Variants in SASH1 observed in about 807,000 individuals in gnomAD.
SASH1 encodes the protein SAM and SH3 domain containing 1, also known as SAM and SH3 domain-containing protein 1.
A neutral mutation model predicts 125.2 loss-of-function variants in SASH1; 44 were observed. The ratio of observed to expected loss-of-function variants is 0.35; its 90% CI spans 0.28 to 0.45. The LOEUF is 0.45. Among genes scored for constraint, SASH1 ranks in the 20% least tolerant of loss-of-function variants. The probability of loss-of-function intolerance (pLI) is 1.00; values close to 1 mark genes in which losing one functional copy is unlikely to be tolerated. For synonymous variants in SASH1, 639 were observed against 649.1 expected (o/e 0.98, Z 0.24); for missense variants, 1,426 against 1,614.5 (o/e 0.88, Z 2.00).
Position 148,300,650 on chromosome 6 carries a change from T to G in SASH1, n.74+28273T>G, listed in dbSNP as rs563140467. On this transcript the variant is annotated intron_variant and non_coding_transcript_variant, in intron 1 of 3. Transcript: ENST00000367469. ...TATATTTATATTCTTACTGGCTAAT[T>G]TTTTGTATTTTTAGTAAAGACGGGG... Among the ~76,000 whole-genome samples the G allele has an allele frequency of 5.3e-5, 8 of 152,040 alleles. No homozygotes were observed. In the South Asian group the frequency reaches 1.0e-3, roughly 20 times the overall value.
the SASH1 span, among the ~76,000 whole-genome samples, chr6:148,239,751 G>A: frequency 6.6e-6 from 1 of 151,596 alleles, no homozygotes; most frequent in Non-Finnish European, 1.5e-5. Context: ...AATGACTTTA[G>A]GAAATGTTAT....
At chr6:148,255,580 T>C in the SASH1 span, among the ~76,000 whole-genome samples, 193 of 152,274 alleles carry the variant, frequency 1.3e-3, 4 homozygotes, top group East Asian at 0.032. Flanking sequence ...TGGTTGAGTT[T>C]TGAGATGCTG....
chr6:148,352,713 T>A (rs1445085154), intron 1 of SASH1, among the ~76,000 whole-genome samples: 1 of 152,158 alleles, frequency 6.6e-6, no homozygotes, highest in Non-Finnish European at 1.5e-5. Flanking sequence ...GGCTCATGCC[T>A]GTAATTCCAG....
chr6:148,303,429 TGC>T (rs1780028816), intron 1 of SASH1, among the ~76,000 whole-genome samples: 1 of 152,198 alleles, frequency 6.6e-6, no homozygotes, highest in Non-Finnish European at 1.5e-5. Context: ...TCATAGAGTA[TGC>T]TTTCTGACTA....
At chr6:148,491,412 G>A (rs1040586690) in intron 8 of SASH1, among the ~76,000 whole-genome samples, 10 of 152,114 alleles carry the variant, frequency 6.6e-5, no homozygotes, top group African/African-American at 2.4e-4. Flanking sequence ...TGGGATTATA[G>A]GCATGCGCCA....
chr6:148,225,735 A>C, the SASH1 span, among the ~76,000 whole-genome samples: 1 of 152,252 alleles, frequency 6.6e-6, no homozygotes, highest in African/African-American at 2.4e-5. Flanking sequence ...TTTTAAAATA[A>C]AATAAAAATA....
rs953471870 is a variant in SASH1 at position 148,548,644 on chromosome 6, C to G, written c.*86C>G. ...ATGCAATTCCTCCATCATCTCTGGA[C>G]GTGCAGACCAGATCCAGAAGAAAGG... On this transcript the variant is annotated 3_prime_UTR_variant, in exon 20 of 20. Coordinates refer to ENST00000367467, the MANE Select transcript of SASH1 (RefSeq NM_015278.5). 2 of 1,443,934 alleles carry G rather than the reference C, an allele frequency of 1.4e-6. No individual in the cohort carries two copies. The highest frequency in any genetic ancestry group is 4.5e-5 in the Admixed American group (2 of 44,060). The allele number at this position is 1,443,934 out of a possible 1,614,324, so 89.4% of individuals were successfully genotyped here. A position where few individuals can be genotyped will look rare whatever the true frequency, so the allele number is the denominator to read the frequency against.
In SASH1 at chr6:148,550,421, CTTA is replaced by C. The variant is rs1782820293; in HGVS notation, c.*1865_*1867del. 1 of 152,098 alleles carries C rather than the reference CTTA, an allele frequency of 6.6e-6. No homozygotes were observed. Among genetic ancestry groups the C allele is most frequent in the Non-Finnish European group, 1.5e-5 (1 of 68,026 alleles). 9.4% of individuals were successfully genotyped at this position (152,098 alleles called of 1,614,324 possible). On this transcript the variant is annotated 3_prime_UTR_variant, in exon 20 of 20. Transcript: ENST00000367467. ...TTAGAAAGCCATCTTTAGCATATTGCTTATGTCTGGATCCATGTTTCTGAGGAA... is the reference window on the plus strand; with the variant it reads ...TTAGAAAGCCATCTTTAGCATATTGCTGTCTGGATCCATGTTTCTGAGGAA...
intron 5 of SASH1, among the ~76,000 whole-genome samples, chr6:148,470,215 T>C (rs1428618590): frequency 6.6e-6 from 1 of 152,198 alleles, no homozygotes; most frequent in Non-Finnish European, 1.5e-5. Context: ...GCTCTGTCTT[T>C]GGCGGAAAGG....
chr6:148,342,362 C>G (rs1384732325), upstream of SASH1, among the ~76,000 whole-genome samples: 1 of 152,138 alleles, frequency 6.6e-6, no homozygotes, highest in Non-Finnish European at 1.5e-5. Flanking sequence ...GGGCGGGAGT[C>G]GCTTAAAGAT....
chr6:148,391,655 G>T (rs1265224809), intron 2 of SASH1, among the ~76,000 whole-genome samples: 1 of 152,118 alleles, frequency 6.6e-6, no homozygotes. Context: ...GGACTTGTAT[G>T]TGATAAACAG....
the SASH1 span, among the ~76,000 whole-genome samples, chr6:148,252,636 G>A: frequency 6.6e-6 from 1 of 151,954 alleles, no homozygotes; most frequent in Non-Finnish European, 1.5e-5. Flanking sequence ...TTGCCACCAC[G>A]CCTGGCTATT....
At position 148,545,809 on chromosome 6, in the gene SASH1, C is replaced by T. The variant is rs73791434; in HGVS notation, c.3349-206C>T. On this transcript the variant is annotated intron_variant, in intron 18 of 19. Coordinates refer to ENST00000367467, the MANE Select transcript of SASH1 (RefSeq NM_015278.5). ...CAAACTTTTGGGTTGGGTGTGGTGG[C>T]TTACGCCTGGAATCCCAACACTTTG... Among the ~76,000 whole-genome samples the T allele has an allele frequency of 9.4e-3, 1,429 of 152,336 alleles. 20 individuals carry two copies. The highest frequency in any genetic ancestry group is 0.033 in the African/African-American group (1,353 of 41,560).
At chr6:148,261,659 T>C in the SASH1 span, among the ~76,000 whole-genome samples, 1 of 152,174 alleles carries the variant, frequency 6.6e-6, no homozygotes, top group Admixed American at 6.5e-5. Context: ...CACCAGCCCA[T>C]ATCTTTGGGG....
At chr6:148,357,449 C>A (rs534572887) in intron 1 of SASH1, among the ~76,000 whole-genome samples, 34 of 152,176 alleles carry the variant, frequency 2.2e-4, no homozygotes, top group Non-Finnish European at 2.2e-4. Flanking sequence ...GATTTGGCCT[C>A]TGCTCTTTGA....
chr6:148,274,226 G>A (rs1426263827), intron 1 of SASH1, among the ~76,000 whole-genome samples: 1 of 152,188 alleles, frequency 6.6e-6, no homozygotes, highest in Admixed American at 6.5e-5. Context: ...AGACATGGCT[G>A]GCAGGTTCTC....
chr6:148,269,506 C>G (rs537030363), upstream of SASH1, among the ~76,000 whole-genome samples: 36 of 152,280 alleles, frequency 2.4e-4, no homozygotes, highest in African/African-American at 7.9e-4. Context: ...CTCACCTCAG[C>G]CTCGCAAAGT....
At chr6:148,433,350 A>G (rs1031514542) in intron 2 of SASH1, among the ~76,000 whole-genome samples, 3 of 152,004 alleles carry the variant, frequency 2.0e-5, no homozygotes, top group Non-Finnish European at 4.4e-5. Context: ...AAATATTTCA[A>G]TACTAGCCAT....
At chr6:148,536,122 G>GTCTT (rs1191547792) in intron 16 of SASH1, among the ~76,000 whole-genome samples, 62 of 152,264 alleles carry the variant, frequency 4.1e-4, no homozygotes, top group African/African-American at 1.4e-3. Context: ...TTATAACAAG[G>GTCTT]TCTTTTAAGT....
Sources: gnomAD v4.1 joint callset for allele counts (sites outside exome capture counted in the v4.1 genomes callset) on GRCh38, gnomAD v4.1.1 for gene constraint, MANE v1.5 for transcripts, NCBI Gene and HGNC (gene_info 2026-07-23, HGNC 2026-07-21) for gene names.